OS9: variants seen among roughly 807,000 people sequenced by gnomAD.
The protein encoded by OS9 is OS9 endoplasmic reticulum lectin.
In OS9, 58 loss-of-function variants were observed where a neutral mutation model predicts 84.7. The ratio of observed to expected loss-of-function variants is 0.68; its 90% CI spans 0.55 to 0.85. OS9 has a LOEUF of 0.85. Ranked by LOEUF, OS9 falls within the 40% of genes least tolerant of loss-of-function variation. The pLI is 0.00. For synonymous variants in OS9, 278 were observed against 320.8 expected (o/e 0.87, Z 1.43); for missense variants, 760 against 850.9 (o/e 0.89, Z 1.33).
In OS9 at chr12:57,715,811, G is replaced by A. The variant is rs769693067; in HGVS notation, c.631G>A (p.Asp211Asn). The A allele has an allele frequency of 3.1e-6, 5 of 1,613,924 alleles. No individual in the cohort carries two copies. In the South Asian group the frequency reaches 4.4e-5, roughly 14 times the overall value. ...GISGDYIDRVDEPLSCSYVLT... is the reference protein window; with the variant it reads ...GISGDYIDRVNEPLSCSYVLT... Reference sequence around the variant, plus strand: ...CTCTGGGGACTACATCGATCGCGTGGACGAGCCCTTGTCCTGCTCTTATGT... The same window carrying A: ...CTCTGGGGACTACATCGATCGCGTGAACGAGCCCTTGTCCTGCTCTTATGT... Residue 211 changes from aspartate to asparagine, a missense_variant, in exon 6 of 15, where the codon GAC (aspartate) becomes AAC (asparagine). By Grantham distance (23) the Asp-to-Asn change is conservative. Coordinates refer to ENST00000315970, the MANE Select transcript of OS9 (RefSeq NM_006812.4).
rs148905051 is a variant in OS9, at chr12:57,715,970, G to A, written c.790G>A (p.Asp264Asn). 30 of 1,611,022 alleles carry A rather than the reference G, an allele frequency of 1.9e-5. No individual in the cohort carries two copies. The highest frequency in any genetic ancestry group is 3.3e-4 in the Middle Eastern group (2 of 6,072). ...CATGGCCTACGTTCAGAGGCAAGCC[G>A]GTGAGTAATTAGAGAAGGAGGAGAA... ...EYMAYVQRQA[D>N]SKQYGDKIIE... Residue 264 changes from aspartate to asparagine, a missense_variant and splice_region_variant, in exon 6 of 15, where the codon GAC becomes AAC. Transcript: ENST00000315970.
chr12:57,703,390 G>A (rs1237188608), intron 5 of OS9, among the ~76,000 whole-genome samples: 1 of 152,100 alleles, frequency 6.6e-6, no homozygotes, highest in African/African-American at 2.4e-5. Flanking sequence ...GTGTGCCATT[G>A]TGCCCAGCTG....
chr12:57,709,851 T>C (rs911538801), intron 5 of OS9, among the ~76,000 whole-genome samples: 1 of 152,002 alleles, frequency 6.6e-6, no homozygotes, highest in Non-Finnish European at 1.5e-5. Context: ...CCTTTTTTTT[T>C]TTGTTATTAC....
intron 5 of OS9, among the ~76,000 whole-genome samples, chr12:57,708,061 CCAGCTTGGTGA>C (rs1264107805): frequency 6.6e-6 from 1 of 151,938 alleles, no homozygotes; most frequent in Non-Finnish European, 1.5e-5. Context: ...CCACTGCACT[CCAGCTTGGTGA>C]CAGAGCAAGA....
Position 57,718,383 on chromosome 12 carries a change from G to A in OS9, c.1372G>A (p.Ala458Thr), listed in dbSNP as rs903934184. The A allele has an allele frequency of 6.2e-7, 1 of 1,614,174 alleles. No individual in the cohort carries two copies. The highest frequency in any genetic ancestry group is 1.3e-5 in the African/African-American group (1 of 75,052). Residue 458 changes from alanine to threonine, a missense_variant, in exon 11 of 15, where the codon GCT (alanine) becomes ACT (threonine). Physicochemically the swap from Ala to Thr is moderately conservative, Grantham distance 58. Coordinates refer to ENST00000315970, the MANE Select transcript of OS9 (RefSeq NM_006812.4). ...AGACCGGCTCCGTTCGGAGGTGAAGGCTGGCATGGAGCGGGAACTGGAAAA... is the reference window on the plus strand; with the variant it reads ...AGACCGGCTCCGTTCGGAGGTGAAGACTGGCATGGAGCGGGAACTGGAAAA... ...DRDRLRSEVK[A>T]GMERELENII...
At chr12:57,694,657 C>T (rs767410531) in intron 1 of OS9, 93 bp from the exon 2 acceptor site, 9 of 1,308,324 alleles carry the variant, frequency 6.9e-6, no homozygotes, top group Non-Finnish European at 7.7e-6. Context: ...TTCGACTGAT[C>T]TCTTCCCCAG....
At chr12:57,697,695 G>A (rs1420941422) in intron 5 of OS9, among the ~76,000 whole-genome samples, 2 of 152,128 alleles carry the variant, frequency 1.3e-5, no homozygotes, top group African/African-American at 4.8e-5. Context: ...AGAGATATAA[G>A]TACTCATTGT....
intron 2 of OS9, 28 bp from the exon 3 acceptor site, chr12:57,695,752 C>G (rs757742637): frequency 5.4e-6 from 8 of 1,491,314 alleles, no homozygotes; most frequent in Non-Finnish European, 7.5e-6. Context: ...CACTCCATCC[C>G]CCTGATTGTT....
At chr12:57,711,058 AAAAG>A (rs1954313013) in intron 5 of OS9, among the ~76,000 whole-genome samples, 3 of 150,922 alleles carry the variant, frequency 2.0e-5, no homozygotes, top group African/African-American at 4.8e-5. Context: ...AAAAAAAAAA[AAAAG>A]AGAAAAATAT....
At chr12:57,704,746 T>A (rs978498467) in intron 5 of OS9, among the ~76,000 whole-genome samples, 11 of 152,212 alleles carry the variant, frequency 7.2e-5, no homozygotes, top group Admixed American at 1.3e-4. Flanking sequence ...AATTTTAATT[T>A]AAAAAATTTA....
At chr12:57,701,568 G>A (rs929324210) in intron 5 of OS9, among the ~76,000 whole-genome samples, 2 of 151,908 alleles carry the variant, frequency 1.3e-5, no homozygotes, top group Non-Finnish European at 2.9e-5. Flanking sequence ...GAGCCACCGT[G>A]CCTGGCCTGG....
rs1954602325 is a variant in OS9, at chr12:57,719,169, A to AC, written c.1591dup (p.Gln531ProfsTer8). ...TTGTCCCCAAAAAGCCTCCCCCATC[A>AC]CCCCAACCTACAGGTGAGAGCAGTC... On this transcript the variant is annotated frameshift_variant, in exon 12 of 15. Transcript: ENST00000315970. LOFTEE classifies it high-confidence loss of function. 6.2e-7 allele frequency: 1 copy of AC among 1,613,694 alleles called. No homozygotes were observed. Among genetic ancestry groups the AC allele is most frequent in the Admixed American group, 1.7e-5 (1 of 59,960 alleles).
chr12:57,696,179 C>A, intron 4 of OS9, 96 bp from the exon 5 acceptor site: 1 of 1,237,212 alleles, frequency 8.1e-7, no homozygotes, highest in Non-Finnish European at 1.2e-6. Flanking sequence ...GGCCTGGGGG[C>A]ACAGGCCATT....
intron 5 of OS9, among the ~76,000 whole-genome samples, chr12:57,705,651 G>A (rs1436210899): frequency 4.6e-5 from 7 of 152,114 alleles, no homozygotes; most frequent in South Asian, 2.1e-4. Context: ...TCAACCTCCC[G>A]AGTAGCTGGG....
intron 5 of OS9, among the ~76,000 whole-genome samples, chr12:57,697,951 ACACACACACACACAC>A: frequency 8.0e-6 from 1 of 125,636 alleles, no homozygotes; most frequent in African/African-American, 2.9e-5. Context: ...ACACACACAC[ACACACACACACACAC>A]CCTATTGCTC....
intron 5 of OS9, among the ~76,000 whole-genome samples, chr12:57,699,839 T>C (rs1953967537): frequency 6.6e-6 from 1 of 152,170 alleles, no homozygotes; most frequent in African/African-American, 2.4e-5. Context: ...CTCATGCCTA[T>C]AATCCCAGCA....
intron 9 of OS9, among the ~76,000 whole-genome samples, chr12:57,716,996 A>G (rs967664971): frequency 1.3e-5 from 2 of 152,248 alleles, no homozygotes; most frequent in African/African-American, 4.8e-5. Flanking sequence ...TGAGGGTAAT[A>G]ACCCCTACCT....
At chr12:57,697,269 C>T (rs749500275) in intron 5 of OS9, among the ~76,000 whole-genome samples, 1 of 152,176 alleles carries the variant, frequency 6.6e-6, no homozygotes, top group Non-Finnish European at 1.5e-5. Flanking sequence ...CCAAAACTTA[C>T]CAGTTGGCTC....
intron 5 of OS9, among the ~76,000 whole-genome samples, chr12:57,699,952 G>A (rs10783842): frequency 0.58 from 88,838 of 151,914 alleles, 26,817 homozygotes; most frequent in Middle Eastern, 0.7. Context: ...AAAATTAGCC[G>A]GGTGTGGTGG....
Sources: allele counts gnomAD v4.1 joint callset (sites outside exome capture counted in the v4.1 genomes callset), GRCh38; gene constraint gnomAD v4.1.1; transcripts MANE v1.5; gene names NCBI Gene and HGNC (gene_info 2026-07-23, HGNC 2026-07-21).